PCDH15: variants seen among roughly 807,000 people sequenced by gnomAD.
PCDH15 encodes the protein protocadherin-15.
In PCDH15, 129 loss-of-function variants were observed where a neutral mutation model predicts 178.5. That is an observed-to-expected ratio of 0.72 (90% CI 0.63 to 0.84). The LOEUF is 0.84. PCDH15 is among the 40% of genes least tolerant of loss of function. The pLI, the probability that PCDH15 is intolerant of heterozygous loss-of-function variation, is 0.00. For synonymous variants in PCDH15, 800 were observed against 732.0 expected (o/e 1.09, Z -1.50); for missense variants, 2,230 against 2,099.9 (o/e 1.06, Z -1.21).
chr10:55,340,433 G>C (rs965035094), intron 2 of PCDH15, among the ~76,000 whole-genome samples: 3 of 151,844 alleles, frequency 2.0e-5, no homozygotes, highest in Admixed American at 6.6e-5. Flanking sequence ...GTTTTCTTAT[G>C]ATGGGAAGTT....
At chr10:53,875,916 T>C (rs16937805) in intron 26 of PCDH15, among the ~76,000 whole-genome samples, 11,422 of 150,422 alleles carry the variant, frequency 0.076, 1,215 homozygotes, top group African/African-American at 0.23. Context: ...ATTAGTGAAA[T>C]AATTAGTGAT....
chr10:53,807,489 A>T (rs1280544187), intron 37 of PCDH15, among the ~76,000 whole-genome samples: 1 of 152,182 alleles, frequency 6.6e-6, no homozygotes, highest in Non-Finnish European at 1.5e-5. Context: ...CAGGAAAGTT[A>T]AATTGAAAGG....
chr10:55,404,301 C>A (rs1455541931), intron 2 of PCDH15, among the ~76,000 whole-genome samples: 1 of 151,930 alleles, frequency 6.6e-6, no homozygotes, highest in Non-Finnish European at 1.5e-5. Flanking sequence ...CGTTGCACAC[C>A]AGCAAAGTGA....
intron 1 of PCDH15, among the ~76,000 whole-genome samples, chr10:54,725,577 C>T (rs1391804480): frequency 1.7e-5 from 2 of 117,220 alleles, no homozygotes; most frequent in Non-Finnish European, 4.0e-5. Flanking sequence ...ATTGGAAACT[C>T]ATTTCTCTGA....
chr10:54,726,391 C>T (rs1942496282), intron 1 of PCDH15, among the ~76,000 whole-genome samples: 1 of 150,444 alleles, frequency 6.6e-6, no homozygotes, highest in Non-Finnish European at 1.5e-5. Context: ...AAATCAGTTT[C>T]ATCTTTAGCA....
intron 9 of PCDH15, among the ~76,000 whole-genome samples, chr10:54,225,758 G>A (rs933804689): frequency 6.6e-6 from 1 of 152,060 alleles, no homozygotes; most frequent in East Asian, 1.9e-4. Context: ...AAGCTTTAAC[G>A]TTTTAGGGGC....
At chr10:55,394,687 A>G (rs911805692) in intron 2 of PCDH15, among the ~76,000 whole-genome samples, 2 of 149,034 alleles carry the variant, frequency 1.3e-5, no homozygotes, top group Non-Finnish European at 3.0e-5. Context: ...TAGAAAATTA[A>G]AAAAAAAAAA....
At chr10:55,045,483 GT>G (rs1202738280) in intron 2 of PCDH15, among the ~76,000 whole-genome samples, 1 of 152,026 alleles carries the variant, frequency 6.6e-6, no homozygotes, top group Non-Finnish European at 1.5e-5. Context: ...AAGTCAATCT[GT>G]TTCACAAGAT....
intron 2 of PCDH15, among the ~76,000 whole-genome samples, chr10:55,547,910 T>TGTGTGTGTGAGAGAGAGAGA (rs541144266): frequency 5.9e-4 from 32 of 54,516 alleles, no homozygotes; most frequent in African/African-American, 2.0e-3. Flanking sequence ...TGTGTGTGTG[T>TGTGTGTGTGAGAGAGAGAGA]GAGAGAGAGA....
intron 9 of PCDH15, among the ~76,000 whole-genome samples, chr10:54,232,723 C>T (rs1345927757): frequency 6.6e-6 from 1 of 151,958 alleles, no homozygotes; most frequent in South Asian, 2.1e-4. Context: ...AATAGAAGGT[C>T]CTCTCTTTCA....
intron 2 of PCDH15, among the ~76,000 whole-genome samples, chr10:54,934,293 A>G (rs1837851376): frequency 6.6e-6 from 1 of 152,182 alleles, no homozygotes. Context: ...AACACATGAC[A>G]TGAGAGAGGA....
At chr10:54,259,358 A>C (rs1305779676) in intron 8 of PCDH15, among the ~76,000 whole-genome samples, 1 of 152,166 alleles carries the variant, frequency 6.6e-6, no homozygotes. Flanking sequence ...ATGGATTCAG[A>C]ATCAGCATGC....
chr10:55,441,657 TAAC>T (rs1383571544), intron 2 of PCDH15, among the ~76,000 whole-genome samples: 1 of 152,160 alleles, frequency 6.6e-6, no homozygotes, highest in Non-Finnish European at 1.5e-5. Flanking sequence ...AAGATAATCC[TAAC>T]AACATTTTAA....
chr10:54,936,783 T>C (rs569473573), intron 2 of PCDH15, among the ~76,000 whole-genome samples: 24 of 151,638 alleles, frequency 1.6e-4, no homozygotes, highest in African/African-American at 5.8e-4. Context: ...TTTTATTATA[T>C]GTATAATTTT....
At chr10:55,523,021 G>C (rs576917089) in intron 2 of PCDH15, among the ~76,000 whole-genome samples, 2 of 151,642 alleles carry the variant, frequency 1.3e-5, no homozygotes, top group South Asian at 4.2e-4. Context: ...ATAAAACATA[G>C]TTATTACAGT....
chr10:55,380,699 C>A (rs930001039), intron 2 of PCDH15, among the ~76,000 whole-genome samples: 2 of 152,124 alleles, frequency 1.3e-5, no homozygotes, highest in African/African-American at 4.8e-5. Flanking sequence ...GGAGAAGGGA[C>A]AAGGGGCCAA....
intron 2 of PCDH15, among the ~76,000 whole-genome samples, chr10:54,900,697 C>A (rs1192158530): frequency 6.6e-6 from 1 of 152,106 alleles, no homozygotes; most frequent in Non-Finnish European, 1.5e-5. Flanking sequence ...GTATAAATGG[C>A]AACAATACCT....
At chr10:55,478,865 C>A (rs940652601) in intron 2 of PCDH15, among the ~76,000 whole-genome samples, 1 of 148,716 alleles carries the variant, frequency 6.7e-6, no homozygotes. Context: ...CATACACCAA[C>A]AAATTGGAAA....
At chr10:55,488,254 G>C (rs1470018259) in intron 2 of PCDH15, among the ~76,000 whole-genome samples, 4 of 151,242 alleles carry the variant, frequency 2.6e-5, no homozygotes, top group Non-Finnish European at 5.9e-5. Context: ...TAATTATTTT[G>C]GCTAAAGTTT....
Sources: gnomAD v4.1 joint callset for allele counts (sites outside exome capture counted in the v4.1 genomes callset) on GRCh38, gnomAD v4.1.1 for gene constraint, MANE v1.5 for transcripts, NCBI Gene and HGNC (gene_info 2026-07-23, HGNC 2026-07-21) for gene names.